KDM5A: variants seen among roughly 807,000 people sequenced by gnomAD.
The protein encoded by KDM5A is lysine-specific demethylase 5A.
KDM5A carries 42 observed loss-of-function variants against 193.5 expected under a neutral mutation model. The ratio of observed to expected loss-of-function variants is 0.22; its 90% CI spans 0.17 to 0.28. The LOEUF (loss-of-function observed/expected upper bound fraction) is 0.28, where lower values mean the gene tolerates loss of function less well. Among genes scored for constraint, KDM5A ranks in the 10% least tolerant of loss-of-function variants. The pLI is 1.00. For synonymous variants in KDM5A, 796 were observed against 718.1 expected, an observed-to-expected ratio of 1.11 and a Z score of -1.73; for missense variants, 1,692 against 2,055.1, an observed-to-expected ratio of 0.82 and a Z score of 3.42.
chr12:318,162 C>T lies in KDM5A; in HGVS notation c.2841G>A (p.Glu947=). Residue 947 remains glutamate, a synonymous_variant, in exon 19 of 28, where the codon GAG becomes GAA. Coordinates refer to ENST00000399788, the MANE Select transcript of KDM5A (RefSeq NM_001042603.3). ...AVEKAMAELQ[E]LLTVSERWEE... The stretch of plus-strand genomic sequence containing the variant: ...CCCATCGTTCAGAGACTGTAAGGAG[C>T]TCCTGTAGTTCAGCCATTGCTTTCT... 6.2e-7 allele frequency: 1 copy of T among 1,614,222 alleles called. No individual in the cohort carries two copies. Among genetic ancestry groups the T allele is most frequent in the Non-Finnish European group, 8.5e-7 (1 of 1,180,038 alleles).
intron 10 of KDM5A, among the ~76,000 whole-genome samples, chr12:342,267 G>C (rs1229245983): frequency 6.6e-6 from 1 of 151,928 alleles, no homozygotes; most frequent in Non-Finnish European, 1.5e-5. Context: ...CCAATTATAG[G>C]GGGAAAGAAA....
chr12:320,775 T>A (rs1943707511), intron 18 of KDM5A, among the ~76,000 whole-genome samples: 1 of 151,876 alleles, frequency 6.6e-6, no homozygotes. Context: ...TAGAAAAAAA[T>A]AATTTCATAC....
chr12:370,763 C>T (rs1332813860), intron 3 of KDM5A, among the ~76,000 whole-genome samples: 1 of 152,188 alleles, frequency 6.6e-6, no homozygotes, highest in Non-Finnish European at 1.5e-5. Flanking sequence ...TATCCCTCCC[C>T]ACTACCCCCA....
At chr12:288,594 A>C (rs1054081511) in intron 27 of KDM5A, among the ~76,000 whole-genome samples, 1 of 152,228 alleles carries the variant, frequency 6.6e-6, no homozygotes, top group Non-Finnish European at 1.5e-5. Context: ...TGCACTGGGA[A>C]AAAAGAAAAT....
At position 310,013 on chromosome 12, in the gene KDM5A, T is replaced by G. The variant is rs1943564304; in HGVS notation, c.3217-49A>C. The G allele has an allele frequency of 2.5e-6, 4 of 1,578,494 alleles. No homozygotes were observed. The South Asian group carries it at 4.6e-5, about 18-fold the overall frequency. On this transcript the variant is annotated intron_variant, in intron 21 of 27. Coordinates refer to ENST00000399788, the MANE Select transcript of KDM5A (RefSeq NM_001042603.3). ...TAAACTCTGGTTTTGAAAATAATCT[T>G]AAAAGTAAAAATAATAAAGGAACCA...
rs1944121935 is a variant in KDM5A, at chr12:349,421, C to G, written c.1308+1200G>C. 2.0e-5 allele frequency among the ~76,000 whole-genome samples: 3 copies of G among 149,916 alleles called. No homozygotes were observed. The Admixed American group carries it at 2.0e-4, about 10-fold the overall frequency. ...TCTCAGCTCACTGCAACCTCCGCTT[C>G]CCAGGTTCAAGCAATTCTCTGCCTC... On this transcript the variant is annotated intron_variant, in intron 10 of 27. Transcript: ENST00000399788.
In KDM5A at chr12:327,571, A is replaced by G. The variant is rs373142485; in HGVS notation, c.1968+1264T>C. 9.2e-5 allele frequency among the ~76,000 whole-genome samples: 14 copies of G among 152,154 alleles called. No individual in the cohort carries two copies. In the East Asian group the frequency reaches 2.3e-3, roughly 25 times the overall value. ...CTAAAAATACAAAACTGGCTGGTCAAGGTGGCGCATGCCTGTAATCCCAGC... is the reference window on the plus strand; with the variant it reads ...CTAAAAATACAAAACTGGCTGGTCAGGGTGGCGCATGCCTGTAATCCCAGC... On this transcript the variant is annotated intron_variant, in intron 14 of 27. Transcript: ENST00000399788.
rs1419281927 is a variant in KDM5A, at chr12:281,848, T to C, written c.*3608A>G. 5 of 266,306 alleles carry C rather than the reference T, an allele frequency of 1.9e-5. No individual in the cohort carries two copies. Among genetic ancestry groups the C allele is most frequent in the Admixed American group, 1.1e-4 (2 of 18,344 alleles). 16.5% of individuals were successfully genotyped at this position (266,306 alleles called of 1,614,324 possible). ...CAGAATTAAAATACTGACAAGCAAG[T>C]AGTTTCTTGGCGTGCACGAATTGCA... On this transcript the variant is annotated 3_prime_UTR_variant, in exon 28 of 28. Coordinates refer to ENST00000399788, the MANE Select transcript of KDM5A (RefSeq NM_001042603.3).
chr12:355,388 C>T, intron 6 of KDM5A, 139 bp from the exon 7 acceptor site: 1 of 661,594 alleles, frequency 1.5e-6, no homozygotes, highest in Non-Finnish European at 2.7e-6. Context: ...TTTATTATCT[C>T]TCACTGAAGA....
chr12:286,646 T>A (rs1195835629), intron 27 of KDM5A, among the ~76,000 whole-genome samples: 1 of 152,166 alleles, frequency 6.6e-6, no homozygotes, highest in Non-Finnish European at 1.5e-5. Context: ...ATCCAAGAAG[T>A]ACCTCTATAC....
chr12:347,832 C>T (rs1944098121), intron 10 of KDM5A, among the ~76,000 whole-genome samples: 1 of 152,148 alleles, frequency 6.6e-6, no homozygotes, highest in Non-Finnish European at 1.5e-5. Flanking sequence ...CTAGGCAATA[C>T]CATTCAGGAC....
rs775753434 is a variant in KDM5A, at chr12:292,052, G to A, written c.4866+707C>T. ...CAAGTAGCTGAGATTACAGGTGTCC[G>A]CCACCACACCCTGCTCATTTTTTGT... On this transcript the variant is annotated intron_variant, in intron 27 of 27. Transcript: ENST00000399788. 2.5e-4 allele frequency among the ~76,000 whole-genome samples: 38 copies of A among 152,050 alleles called. No homozygotes were observed. The Middle Eastern group carries it at 0.01, about 41-fold the overall frequency.
At position 336,430 on chromosome 12, in the gene KDM5A, A is replaced by G. The variant is rs559547201; in HGVS notation, c.1309-2008T>C. On this transcript the variant is annotated intron_variant, in intron 10 of 27. Transcript: ENST00000399788. ...AACACAGGTTTAACTAAGAATTCCA[A>G]TAAGAAATGACAGATCTATTCCTAA... 8.5e-5 allele frequency among the ~76,000 whole-genome samples: 13 copies of G among 152,242 alleles called. No homozygotes were observed. The South Asian group carries it at 2.5e-3, about 29-fold the overall frequency.
intron 24 of KDM5A, among the ~76,000 whole-genome samples, chr12:297,951 C>T (rs1348126556): frequency 2.6e-5 from 4 of 152,096 alleles, no homozygotes; most frequent in Admixed American, 6.6e-5. Context: ...AAAAACAATC[C>T]ACGGAGATAA....
At chr12:365,263 A>G (rs1048472240) in intron 4 of KDM5A, among the ~76,000 whole-genome samples, 1 of 152,182 alleles carries the variant, frequency 6.6e-6, no homozygotes, top group Non-Finnish European at 1.5e-5. Context: ...CATGATGCCC[A>G]GGCTGGTCTC....
chr12:290,307 T>A (rs894351679), intron 27 of KDM5A, among the ~76,000 whole-genome samples: 1 of 152,126 alleles, frequency 6.6e-6, no homozygotes, highest in Non-Finnish European at 1.5e-5. Context: ...AAAACAGCAG[T>A]AACAGGCAAA....
intron 22 of KDM5A, 105 bp from the exon 23 acceptor site, chr12:308,110 A>G (rs1943535883): frequency 1.5e-6 from 2 of 1,321,946 alleles, no homozygotes; most frequent in Admixed American, 3.7e-5. Context: ...TCAGTTATAA[A>G]CAGTTTCCTA....
chr12:309,662 T>C (rs1943557772), intron 22 of KDM5A, 141 bp downstream of exon 22: 1 of 870,328 alleles, frequency 1.1e-6, no homozygotes, highest in Non-Finnish European at 1.8e-6. Context: ...AAATATTTAC[T>C]TTTAATGTGA....
chr12:388,133 G>C (rs1385830008), intron 1 of KDM5A: 1 of 354,490 alleles, frequency 2.8e-6, no homozygotes, highest in African/African-American at 2.1e-5. Flanking sequence ...AAAAGCACTG[G>C]TCTAATGAGT....
Sources: gnomAD v4.1 joint callset for allele counts (sites outside exome capture counted in the v4.1 genomes callset) on GRCh38, gnomAD v4.1.1 for gene constraint, MANE v1.5 for transcripts, NCBI Gene and HGNC (gene_info 2026-07-23, HGNC 2026-07-21) for gene names.